Variants in C11orf65 observed in about 807,000 individuals in gnomAD.
C11orf65 encodes the protein protein MFI.
A neutral mutation model predicts 35.3 loss-of-function variants in C11orf65; 38 were observed. The ratio of observed to expected loss-of-function variants is 1.08; its 90% CI spans 0.83 to 1.41. The LOEUF (loss-of-function observed/expected upper bound fraction) is 1.41. Ranked by LOEUF, C11orf65 falls within the 40% of genes most tolerant of loss-of-function variation. The probability of loss-of-function intolerance (pLI) is 0.00; values close to 1 mark genes in which losing one functional copy is unlikely to be tolerated. For synonymous variants in C11orf65, 105 were observed against 114.4 expected (o/e 0.92, Z 0.53); for missense variants, 370 against 367.1 (o/e 1.01, Z -0.06).
upstream of C11orf65, among the ~76,000 whole-genome samples, chr11:108,469,487 T>G (rs1434471849): frequency 6.6e-6 from 1 of 151,460 alleles, no homozygotes; most frequent in Non-Finnish European, 1.5e-5. Flanking sequence ...TTGCGGTTTT[T>G]GTCATTAAAC....
intron 3 of C11orf65, among the ~76,000 whole-genome samples, chr11:108,410,040 T>A (rs1019903927): frequency 1.3e-5 from 2 of 152,214 alleles, no homozygotes; most frequent in African/African-American, 4.8e-5. Flanking sequence ...TTTTTGCTTA[T>A]GATATTTTCA....
chr11:108,423,629 C>T (rs924335114), intron 3 of C11orf65, among the ~76,000 whole-genome samples: 2 of 152,162 alleles, frequency 1.3e-5, no homozygotes, highest in Middle Eastern at 3.2e-3. Flanking sequence ...CATCTCCCAG[C>T]AGGGGTTGAC....
downstream of C11orf65, among the ~76,000 whole-genome samples, chr11:108,328,497 C>T (rs1224094556): frequency 2.0e-5 from 3 of 152,184 alleles, no homozygotes; most frequent in East Asian, 3.9e-4. Flanking sequence ...CCACCTGCCT[C>T]GGCCTCCCAA....
intron 2 of C11orf65, chr11:108,340,076 CATAATT>C (rs1364573524): frequency 5.3e-5 from 8 of 152,148 alleles, no homozygotes; most frequent in African/African-American, 1.9e-4. Flanking sequence ...ACATAATAAA[CATAATT>C]ATAATGCAAA....
At chr11:108,372,720 C>T (rs1359119700) in intron 2 of C11orf65, among the ~76,000 whole-genome samples, 2 of 152,146 alleles carry the variant, frequency 1.3e-5, no homozygotes, top group Non-Finnish European at 2.9e-5. Flanking sequence ...GATACCAATT[C>T]TACAAAAACT....
chr11:108,374,927 A>C (rs2091681227), intron 2 of C11orf65, among the ~76,000 whole-genome samples: 1 of 152,222 alleles, frequency 6.6e-6, no homozygotes, highest in Non-Finnish European at 1.5e-5. Context: ...CGAGAAGGGA[A>C]GTTTAGAGAA....
At position 108,352,648 on chromosome 11, in the gene C11orf65, G is replaced by A. The variant is rs149383482; in HGVS notation, c.227-17356C>T. On this transcript the variant is annotated intron_variant, in intron 2 of 3. Transcript: ENST00000524755. ...GCTTTATTCATAATAGCCAAGAACC[G>A]GAAAAATCCAGATGTTCTACAGTGG... is the stretch of plus-strand genomic sequence containing the variant. 2.6e-3 allele frequency among the ~76,000 whole-genome samples: 392 copies of A among 152,264 alleles called. 2 individuals are homozygous for A. The highest frequency in any genetic ancestry group is 8.1e-3 in the African/African-American group (336 of 41,564).
chr11:108,374,029 C>G (rs946852107), intron 2 of C11orf65, among the ~76,000 whole-genome samples: 3 of 152,226 alleles, frequency 2.0e-5, no homozygotes, highest in Non-Finnish European at 4.4e-5. Flanking sequence ...CGGGAAGCTC[C>G]AACTGGGTGG....
At chr11:108,449,038 C>T (rs1042493587) in intron 2 of C11orf65, among the ~76,000 whole-genome samples, 140 of 152,198 alleles carry the variant, frequency 9.2e-4, no homozygotes, top group African/African-American at 3.2e-3. Context: ...TTCACAATTG[C>T]TTCAAAGAGA....
At chr11:108,462,962 A>ACAG (rs1295765154) in intron 1 of C11orf65, among the ~76,000 whole-genome samples, 1 of 151,842 alleles carries the variant, frequency 6.6e-6, no homozygotes, top group East Asian at 1.9e-4. Context: ...CTCTACAACA[A>ACAG]CAGCAACAAC....
intron 3 of C11orf65, chr11:108,334,941 T>C: frequency 6.2e-7 from 1 of 1,600,180 alleles, no homozygotes; most frequent in South Asian, 1.1e-5. Context: ...ATCTGACCTA[T>C]TATCAATCAT....
chr11:108,336,823 G>T (rs2086908620), intron 2 of C11orf65, among the ~76,000 whole-genome samples: 1 of 152,146 alleles, frequency 6.6e-6, no homozygotes. Flanking sequence ...CATTCTATGA[G>T]CTGATCATCT....
chr11:108,444,625 G>T (rs1326792694), intron 2 of C11orf65, among the ~76,000 whole-genome samples: 1 of 152,024 alleles, frequency 6.6e-6, no homozygotes, highest in Non-Finnish European at 1.5e-5. Flanking sequence ...CCACAGGGTG[G>T]AGCCAAGATG....
chr11:108,467,159 G>C lies in C11orf65; in HGVS notation c.-10+312C>G, dbSNP rs144791556. On this transcript the variant is annotated intron_variant, in intron 1 of 8. Coordinates refer to ENST00000393084, the MANE Select transcript of C11orf65 (RefSeq NM_152587.5). ...CGGAGTAATATCTTTGCGGAGGATT[G>C]GGGTGTGGGGATCTGTGAAGGCGCA... 5.7e-3 allele frequency among the ~76,000 whole-genome samples: 868 copies of C among 152,254 alleles called. 1 individual carries two copies. The highest frequency in any genetic ancestry group is 8.9e-3 in the Non-Finnish European group (602 of 68,020).
intron 2 of C11orf65, among the ~76,000 whole-genome samples, chr11:108,447,162 A>G (rs1011577144): frequency 2.0e-5 from 3 of 152,164 alleles, no homozygotes; most frequent in Non-Finnish European, 2.9e-5. Flanking sequence ...AAAGGGACTT[A>G]GACTCCCACA....
chr11:108,337,589 A>G (rs954665499), intron 2 of C11orf65, among the ~76,000 whole-genome samples: 1 of 152,212 alleles, frequency 6.6e-6, no homozygotes, highest in African/African-American at 2.4e-5. Flanking sequence ...TTGATGCTGC[A>G]CTGGTCCAGG....
intron 2 of C11orf65, among the ~76,000 whole-genome samples, chr11:108,445,361 G>C (rs1314465108): frequency 1.3e-5 from 2 of 152,162 alleles, no homozygotes; most frequent in East Asian, 3.9e-4. Context: ...CCCCCAGTAA[G>C]GGCAGACTGA....
rs906831252 is a variant in C11orf65 at position 108,358,196 on chromosome 11, C to T, written c.227-22904G>A. Among the ~76,000 whole-genome samples the T allele has an allele frequency of 4.7e-4, 71 of 151,190 alleles. 1 individual carries two copies. The highest frequency in any genetic ancestry group is 3.4e-3 in the Middle Eastern group (1 of 294). Reference sequence around the variant, plus strand: ...GATCAACTGGAAGAAAGGGTATCAGCGATGGAAGATGAAATGAATGAAATG... The same window carrying T: ...GATCAACTGGAAGAAAGGGTATCAGTGATGGAAGATGAAATGAATGAAATG... On this transcript the variant is annotated intron_variant, in intron 2 of 3. Coordinates refer to the C11orf65 transcript ENST00000524755.
At chr11:108,358,201 G>A (rs1319190217) in intron 2 of C11orf65, among the ~76,000 whole-genome samples, 1 of 151,620 alleles carries the variant, frequency 6.6e-6, no homozygotes, top group African/African-American at 2.4e-5. Context: ...ATCAGCGATG[G>A]AAGATGAAAT....
Sources: gnomAD v4.1 joint callset for allele counts (sites outside exome capture counted in the v4.1 genomes callset) on GRCh38, gnomAD v4.1.1 for gene constraint, MANE v1.5 for transcripts, NCBI Gene and HGNC (gene_info 2026-07-23, HGNC 2026-07-21) for gene names.